TEX9: variants seen among roughly 807,000 people sequenced by gnomAD.
TEX9 encodes testis expressed 9, also known as testis-expressed protein 9.
TEX9 carries 74 observed loss-of-function variants against 59.6 expected under a neutral mutation model. The observed-to-expected ratio is 1.24, with a 90% CI of 1.03 to 1.51. TEX9 has a LOEUF of 1.51. Among genes scored for constraint, TEX9 ranks in the 40% most tolerant of loss-of-function variants. The pLI, the probability that TEX9 is intolerant of heterozygous loss-of-function variation, is 0.00. For synonymous variants in TEX9, 186 were observed against 152.2 expected, an observed-to-expected ratio of 1.22 and a Z score of -1.64; for missense variants, 522 against 447.8, an observed-to-expected ratio of 1.17 and a Z score of -1.49.
At chr15:56,441,216 A>C (rs1482355831) in intron 12 of TEX9, among the ~76,000 whole-genome samples, 5 of 152,000 alleles carry the variant, frequency 3.3e-5, no homozygotes, top group African/African-American at 4.8e-5. Flanking sequence ...TTCATTACTG[A>C]TTTTTAATTT....
At chr15:56,426,895 G>A (rs1055227889) in intron 10 of TEX9, among the ~76,000 whole-genome samples, 7 of 151,592 alleles carry the variant, frequency 4.6e-5, no homozygotes, top group African/African-American at 1.5e-4. Flanking sequence ...TTGGTCTCCC[G>A]CTTGTCATGG....
intron 1 of TEX9, among the ~76,000 whole-genome samples, chr15:56,351,477 G>C (rs1381930075): frequency 6.6e-6 from 1 of 152,170 alleles, no homozygotes; most frequent in Non-Finnish European, 1.5e-5. Flanking sequence ...TATAAAAAAA[G>C]TTATGTCACA....
chr15:56,391,036 T>A (rs1228136148), intron 6 of TEX9, among the ~76,000 whole-genome samples: 1 of 152,088 alleles, frequency 6.6e-6, no homozygotes, highest in Non-Finnish European at 1.5e-5. Flanking sequence ...GTATCACATG[T>A]AGATTTCATC....
chr15:56,381,401 G>A (rs1174528252), intron 3 of TEX9, among the ~76,000 whole-genome samples: 2 of 152,098 alleles, frequency 1.3e-5, no homozygotes, highest in African/African-American at 4.8e-5. Flanking sequence ...ATTGGTCTCT[G>A]GTGTCTTATT....
chr15:56,338,484 G>T (rs1217323767), intron 1 of TEX9, among the ~76,000 whole-genome samples: 1 of 152,188 alleles, frequency 6.6e-6, no homozygotes, highest in Non-Finnish European at 1.5e-5. Flanking sequence ...TTGTACAACA[G>T]CTCACTTGGT....
chr15:56,447,018 CTG>C (rs2050910192), downstream of TEX9: 1 of 991,246 alleles, frequency 1.0e-6, no homozygotes, highest in Non-Finnish European at 1.5e-6. Context: ...AACTGAGTAA[CTG>C]TATTTTTAAT....
chr15:56,269,060 G>C (rs1406140248), intron 1 of TEX9, among the ~76,000 whole-genome samples: 5 of 152,098 alleles, frequency 3.3e-5, no homozygotes, highest in Admixed American at 3.3e-4. Flanking sequence ...TTGGGAGGGT[G>C]TGTGTGTCAA....
In TEX9 at chr15:56,430,156, A is replaced by T. The variant is rs1251508153; in HGVS notation, c.*29+1683A>T. 2 of 152,166 alleles carry T rather than the reference A, an allele frequency of 1.3e-5. No individual in the cohort carries two copies. Among genetic ancestry groups the T allele is most frequent in the Admixed American group, 1.3e-4 (2 of 15,270 alleles). 9.4% of individuals were successfully genotyped at this position (152,166 alleles called of 1,614,324 possible). A position where few individuals can be genotyped will look rare whatever the true frequency, so the allele number is the denominator to read the frequency against. On this transcript the variant is annotated intron_variant, in intron 12 of 12. Transcript: ENST00000352903. ...GAAATGGCATTTCTATAGCTGAAAG[A>T]TGGCGATCTTATTTATATGAGTCTA...
At chr15:56,416,512 T>G (rs1356746892) in intron 10 of TEX9, among the ~76,000 whole-genome samples, 1 of 151,956 alleles carries the variant, frequency 6.6e-6, no homozygotes. Flanking sequence ...AAATTGCATT[T>G]ATTGATTTAT....
At chr15:56,459,383 A>G in the TEX9 span, among the ~76,000 whole-genome samples, 19 of 152,122 alleles carry the variant, frequency 1.2e-4, no homozygotes, top group African/African-American at 4.6e-4. Flanking sequence ...CTGGGTTTCT[A>G]CTTTCTGGGT....
chr15:56,296,400 T>C (rs534486949), intron 1 of TEX9, among the ~76,000 whole-genome samples: 21 of 151,750 alleles, frequency 1.4e-4, no homozygotes, highest in Non-Finnish European at 2.5e-4. Flanking sequence ...ATTTTCAAGA[T>C]GAAGACATTG....
chr15:56,281,976 T>G (rs545102094), intron 1 of TEX9, among the ~76,000 whole-genome samples: 1 of 152,322 alleles, frequency 6.6e-6, no homozygotes, highest in Non-Finnish European at 1.5e-5. Flanking sequence ...ATTTCTACCC[T>G]GAGCGGAGAA....
At chr15:56,421,487 G>C (rs138713546) in intron 10 of TEX9, 1 of 151,834 alleles carries the variant, frequency 6.6e-6, no homozygotes, top group Non-Finnish European at 1.5e-5. Context: ...TACTCAACCT[G>C]TATTACCTTT....
chr15:56,251,670 G>A (rs1310178936), intron 1 of TEX9, among the ~76,000 whole-genome samples: 4 of 152,110 alleles, frequency 2.6e-5, no homozygotes, highest in Non-Finnish European at 1.5e-5. Flanking sequence ...TGTGTGAAGA[G>A]GAGCTCAGAG....
chr15:56,457,364 G>A, the TEX9 span, among the ~76,000 whole-genome samples: 3 of 152,118 alleles, frequency 2.0e-5, no homozygotes, highest in Admixed American at 2.0e-4. Flanking sequence ...ATCAGGAAAT[G>A]CAAATTAGAA....
At chr15:56,394,673 C>A in exon 9 of TEX9, 1 of 1,592,058 alleles carries the variant, frequency 6.3e-7, no homozygotes, top group South Asian at 1.1e-5. Flanking sequence ...GGATGAAATT[C>A]AGAATTTAAA....
chr15:56,406,057 G>T (rs1437661091), intron 9 of TEX9, among the ~76,000 whole-genome samples: 1 of 151,934 alleles, frequency 6.6e-6, no homozygotes, highest in Non-Finnish European at 1.5e-5. Context: ...TCAAGATAAT[G>T]AAAATTTATA....
chr15:56,359,235 T>C (rs2046746937), intron 1 of TEX9, among the ~76,000 whole-genome samples: 2 of 152,208 alleles, frequency 1.3e-5, no homozygotes, highest in African/African-American at 4.8e-5. Context: ...ATGTCAACCA[T>C]ATTTTAATTT....
intron 1 of TEX9, among the ~76,000 whole-genome samples, chr15:56,264,038 G>T (rs1446952610): frequency 2.0e-5 from 3 of 152,114 alleles, no homozygotes; most frequent in Non-Finnish European, 4.4e-5. Flanking sequence ...GGAAAAAGTT[G>T]CTATAAACAT....
Sources: gnomAD v4.1 joint callset for allele counts (sites outside exome capture counted in the v4.1 genomes callset) on GRCh38, gnomAD v4.1.1 for gene constraint, MANE v1.5 for transcripts, NCBI Gene and HGNC (gene_info 2026-07-23, HGNC 2026-07-21) for gene names.